Variants in AGK observed in about 807,000 individuals in gnomAD.
The protein encoded by AGK is acylglycerol kinase.
A neutral mutation model predicts 66.4 loss-of-function variants in AGK; 52 were observed. That is an observed-to-expected ratio of 0.78 (90% CI 0.63 to 0.99). The LOEUF is 0.99. Among genes scored for constraint, AGK ranks in the 50% least tolerant of loss-of-function variants. AGK has a pLI of 0.00. For synonymous variants in AGK, 182 were observed against 181.1 expected (o/e 1.00, Z -0.04); for missense variants, 451 against 506.6 (o/e 0.89, Z 1.05).
chr7:141,576,611 C>T (rs1037082989), intron 2 of AGK, among the ~76,000 whole-genome samples: 7 of 149,500 alleles, frequency 4.7e-5, no homozygotes, highest in African/African-American at 9.9e-5. Context: ...ATACTAGATA[C>T]TGATACTAGA....
chr7:141,565,635 C>T (rs1795451687), intron 2 of AGK, among the ~76,000 whole-genome samples: 1 of 149,966 alleles, frequency 6.7e-6, no homozygotes, highest in African/African-American at 2.5e-5. Flanking sequence ...GAGACTTCGT[C>T]TCAAAAAAAA....
Position 141,586,868 on chromosome 7 carries a change from A to G in AGK, c.102-6278A>G, listed in dbSNP as rs754801726. Among the ~76,000 whole-genome samples the G allele has an allele frequency of 8.5e-5, 13 of 152,270 alleles. No homozygotes were observed. The East Asian group carries it at 1.3e-3, about 16-fold the overall frequency. On this transcript the variant is annotated intron_variant, in intron 2 of 15. Coordinates refer to ENST00000649286, the MANE Select transcript of AGK (RefSeq NM_018238.4). ...GAGATTCATTTGGTATTCTCTGTCAACTGTCCATGATCAGGGTATCTCTTC... is the reference window on the plus strand; with the variant it reads ...GAGATTCATTTGGTATTCTCTGTCAGCTGTCCATGATCAGGGTATCTCTTC...
At position 141,641,916 on chromosome 7, in the gene AGK, T is replaced by C. The variant is rs1308511809; in HGVS notation, c.975+8T>C. 1.9e-6 allele frequency: 3 copies of C among 1,567,374 alleles called. No homozygotes were observed. The East Asian group carries it at 6.9e-5, about 36-fold the overall frequency. ...AATCAGCTTGACCCGACAGTAAGTG[T>C]GCTTTTTTATTAGAAAAGCATTTGG... On this transcript the variant is annotated splice_region_variant and intron_variant, in intron 13 of 15. Transcript: ENST00000649286.
At chr7:141,578,116 T>C (rs1795793371) in intron 2 of AGK, among the ~76,000 whole-genome samples, 1 of 152,136 alleles carries the variant, frequency 6.6e-6, no homozygotes, top group Non-Finnish European at 1.5e-5. Context: ...AAACAGGCTT[T>C]GTGTGAGCAA....
intron 13 of AGK, among the ~76,000 whole-genome samples, chr7:141,644,039 CT>C (rs1797349108): frequency 6.6e-6 from 1 of 151,574 alleles, no homozygotes; most frequent in African/African-American, 2.4e-5. Flanking sequence ...GTAGGCAGTC[CT>C]TTTTTACATA....
intron 2 of AGK, among the ~76,000 whole-genome samples, chr7:141,571,588 A>G (rs1286222080): frequency 2.0e-5 from 3 of 152,226 alleles, no homozygotes; most frequent in Non-Finnish European, 4.4e-5. Flanking sequence ...TGGTGATACT[A>G]AGATTGATCA....
intron 9 of AGK, 68 bp from the exon 10 acceptor site, chr7:141,633,833 G>A (rs767192557): frequency 3.9e-5 from 53 of 1,356,680 alleles, no homozygotes; most frequent in Non-Finnish European, 5.3e-5. Context: ...CATTTGCTGA[G>A]TACTTAGATG....
At chr7:141,564,200 T>C (rs148180325) in intron 2 of AGK, among the ~76,000 whole-genome samples, 114 of 152,342 alleles carry the variant, frequency 7.5e-4, no homozygotes, top group African/African-American at 2.7e-3. Context: ...ATTTTCATTA[T>C]AATTATTTTC....
chr7:141,638,856 A>G (rs1797228167), intron 11 of AGK, among the ~76,000 whole-genome samples: 1 of 152,182 alleles, frequency 6.6e-6, no homozygotes, highest in Admixed American at 6.5e-5. Context: ...CAAAGATACA[A>G]TTGTGATTTA....
At chr7:141,581,027 G>A (rs1229016318) in intron 2 of AGK, among the ~76,000 whole-genome samples, 1 of 151,936 alleles carries the variant, frequency 6.6e-6, no homozygotes, top group East Asian at 1.9e-4. Context: ...TCCAACCATG[G>A]CCAGGAAGGA....
At chr7:141,576,404 A>G (rs115736296) in intron 2 of AGK, among the ~76,000 whole-genome samples, 4,448 of 151,828 alleles carry the variant, frequency 0.029, 108 homozygotes, top group South Asian at 0.14. Context: ...CCGATCTGCT[A>G]TTTTAAAGAG....
At chr7:141,633,228 G>C (rs1797096627) in intron 9 of AGK, among the ~76,000 whole-genome samples, 1 of 152,124 alleles carries the variant, frequency 6.6e-6, no homozygotes, top group Non-Finnish European at 1.5e-5. Flanking sequence ...ATTCCATTTA[G>C]AATCCTGGTA....
At chr7:141,636,670 G>A (rs1410807722) in intron 10 of AGK, among the ~76,000 whole-genome samples, 1 of 152,180 alleles carries the variant, frequency 6.6e-6, no homozygotes, top group Non-Finnish European at 1.5e-5. Flanking sequence ...TAAAGGATGT[G>A]TTTAAAGGAT....
intron 13 of AGK, among the ~76,000 whole-genome samples, chr7:141,645,039 C>T (rs567700186): frequency 1.3e-5 from 2 of 152,100 alleles, no homozygotes; most frequent in African/African-American, 4.8e-5. Flanking sequence ...ATTCTTAGCT[C>T]ATTTGAGTTC....
At chr7:141,623,795 C>T (rs1385799878) in intron 9 of AGK, among the ~76,000 whole-genome samples, 1 of 152,180 alleles carries the variant, frequency 6.6e-6, no homozygotes, top group African/African-American at 2.4e-5. Flanking sequence ...AATGTGCCAT[C>T]TCAGACTTTC....
chr7:141,650,476 G>A (rs1490311475), intron 14 of AGK: 2 of 984,824 alleles, frequency 2.0e-6, no homozygotes, highest in Non-Finnish European at 2.4e-6. Context: ...TCTACAGGAA[G>A]TGAAATCAAG....
At chr7:141,627,709 C>T (rs115492137) in intron 9 of AGK, among the ~76,000 whole-genome samples, 6,542 of 152,054 alleles carry the variant, frequency 0.043, 181 homozygotes, top group African/African-American at 0.073. Flanking sequence ...AAATTTCAGC[C>T]TAAGAAAGGT....
rs779357115 is a variant in AGK at position 141,615,533 on chromosome 7, T to C, written c.486T>C (p.His162=). ...IPLGETSSLS[H]TLFAESGNKV... Reference sequence around the variant, plus strand: ...TGGGAGAGACCAGTAGTTTGAGTCATACCCTCTTTGCCGAAAGTGGAAACA... The same window carrying C: ...TGGGAGAGACCAGTAGTTTGAGTCACACCCTCTTTGCCGAAAGTGGAAACA... Residue 162 remains histidine (H), a synonymous_variant, in exon 8 of 16, where the codon CAT becomes CAC. Coordinates refer to ENST00000649286, the MANE Select transcript of AGK (RefSeq NM_018238.4). 3.7e-6 allele frequency: 6 copies of C among 1,613,950 alleles called. No homozygotes were observed. Among genetic ancestry groups the C allele is most frequent in the Non-Finnish European group, 4.2e-6 (5 of 1,179,832 alleles).
chr7:141,616,717 G>T (rs1796708260), intron 8 of AGK, among the ~76,000 whole-genome samples: 1 of 151,598 alleles, frequency 6.6e-6, no homozygotes, highest in South Asian at 2.1e-4. Context: ...CCTAACTACA[G>T]GAGAGGCCAT....
Sources: allele counts gnomAD v4.1 joint callset (sites outside exome capture counted in the v4.1 genomes callset), GRCh38; gene constraint gnomAD v4.1.1; transcripts MANE v1.5; gene names NCBI Gene and HGNC (gene_info 2026-07-23, HGNC 2026-07-21).